Variants in PPM1G observed in about 807,000 individuals in gnomAD.
The protein encoded by PPM1G is protein phosphatase, Mg2+/Mn2+ dependent 1G.
In PPM1G, 12 loss-of-function variants were observed where a neutral mutation model predicts 59.4. The observed-to-expected ratio is 0.20, with a 90% CI of 0.13 to 0.33. PPM1G has a LOEUF of 0.33. Among genes scored for constraint, PPM1G ranks in the 10% least tolerant of loss-of-function variants. The pLI, the probability that PPM1G is intolerant of heterozygous loss-of-function variation, is 1.00. For missense variants in PPM1G, 392 were observed against 681.3 expected, an observed-to-expected ratio of 0.58 and a Z score of 4.73; for synonymous variants, 245 against 251.9, an observed-to-expected ratio of 0.97 and a Z score of 0.26.
chr2:27,404,793 A>T, intron 1 of PPM1G, among the ~76,000 whole-genome samples: 1 of 150,362 alleles, frequency 6.7e-6, no homozygotes. Context: ...AAATACAAAA[A>T]ATTAGCCGGG....
chr2:27,388,703 G>T (rs372384057), intron 1 of PPM1G, among the ~76,000 whole-genome samples: 1 of 151,734 alleles, frequency 6.6e-6, no homozygotes, highest in Non-Finnish European at 1.5e-5. Flanking sequence ...GTGAAACCCC[G>T]TCTCTACTAA....
At chr2:27,404,049 A>AT (rs983779871) in intron 1 of PPM1G, among the ~76,000 whole-genome samples, 4 of 152,080 alleles carry the variant, frequency 2.6e-5, no homozygotes, top group Non-Finnish European at 5.9e-5. Flanking sequence ...TTCTTTTTAT[A>AT]TTTTTTCCAT....
intron 1 of PPM1G, among the ~76,000 whole-genome samples, chr2:27,396,351 T>C (rs1374128816): frequency 1.3e-5 from 2 of 152,076 alleles, no homozygotes; most frequent in African/African-American, 4.8e-5. Flanking sequence ...GTATCTAAAC[T>C]AATCAAATTC....
chr2:27,388,801 G>A (rs552946411), intron 1 of PPM1G, among the ~76,000 whole-genome samples: 1 of 151,302 alleles, frequency 6.6e-6, no homozygotes, highest in Admixed American at 6.6e-5. Flanking sequence ...CGTGAACCCA[G>A]GAGGCAGAGC....
At chr2:27,396,820 A>C (rs976677614) in intron 1 of PPM1G, among the ~76,000 whole-genome samples, 6 of 41,048 alleles carry the variant, frequency 1.5e-4, no homozygotes, top group Admixed American at 2.6e-4. Flanking sequence ...CGTCTCCAAC[A>C]AAAAAAAAAA....
At position 27,381,423 on chromosome 2, in the gene PPM1G, A is replaced by G. The variant is rs2148416414; in HGVS notation, c.*176T>C. ...CAGAGGCGGCTGGGAAGGACAGCAGAGGCTCCCGGCTGCAGTGTGGAGGGA... is the reference window on the plus strand; with the variant it reads ...CAGAGGCGGCTGGGAAGGACAGCAGGGGCTCCCGGCTGCAGTGTGGAGGGA... On this transcript the variant is annotated 3_prime_UTR_variant, in exon 10 of 10. Transcript: ENST00000344034. 1.5e-6 allele frequency: 1 copy of G among 662,426 alleles called. No individual in the cohort carries two copies. Among genetic ancestry groups the G allele is most frequent in the South Asian group, 1.9e-5 (1 of 53,284 alleles). 41.0% of individuals were successfully genotyped at this position (662,426 alleles called of 1,614,324 possible). A position where few individuals can be genotyped will look rare whatever the true frequency, so the allele number is the denominator to read the frequency against.
intron 1 of PPM1G, among the ~76,000 whole-genome samples, chr2:27,403,625 G>A (rs1303797375): frequency 1.3e-5 from 2 of 151,962 alleles, no homozygotes; most frequent in Non-Finnish European, 2.9e-5. Context: ...AGTAGCTCAC[G>A]TCTGTAATCC....
At chr2:27,406,020 AAAAC>A (rs1380782082) in intron 1 of PPM1G, among the ~76,000 whole-genome samples, 1 of 152,118 alleles carries the variant, frequency 6.6e-6, no homozygotes, top group Admixed American at 6.5e-5. Context: ...AAAACAAAAC[AAAAC>A]AAACAACAAC....
Position 27,382,419 on chromosome 2 carries a change from C to T in PPM1G, c.1331+57G>A. On this transcript the variant is annotated intron_variant, in intron 8 of 9. Coordinates refer to ENST00000344034, the MANE Select transcript of PPM1G (RefSeq NM_177983.3). This position sits in a 1 kb window ranked among gnomAD's most constrained non-coding sequence, Gnocchi z 4.2. ...TCTAATCCTAGAGGTGCCCTGAGTCCTATAAGAGAAGACATGCTGCAGAAA... is the reference window on the plus strand; with the variant it reads ...TCTAATCCTAGAGGTGCCCTGAGTCTTATAAGAGAAGACATGCTGCAGAAA... 1 of 1,609,216 alleles carries T rather than the reference C, an allele frequency of 6.2e-7. No individual in the cohort carries two copies. Among genetic ancestry groups the T allele is most frequent in the Non-Finnish European group, 8.5e-7 (1 of 1,177,776 alleles).
chr2:27,383,860 AT>A lies in PPM1G; in HGVS notation c.966+91del. 1 of 1,507,740 alleles carries A rather than the reference AT, an allele frequency of 6.6e-7. No individual in the cohort carries two copies. The highest frequency in any genetic ancestry group is 9.0e-7 in the Non-Finnish European group (1 of 1,116,744). The allele number at this position is 1,507,740 out of a possible 1,614,324, so 93.4% of individuals were successfully genotyped here. A position where few individuals can be genotyped will look rare whatever the true frequency, so the allele number is the denominator to read the frequency against. ...ATGACTATTACTTCCATCCTAAAGT[AT>A]CAGGGGGATCCCCTGTCTCAAAATC... On this transcript the variant is annotated intron_variant, in intron 6 of 9. Coordinates refer to ENST00000344034, the MANE Select transcript of PPM1G (RefSeq NM_177983.3). This position sits in a 1 kb window ranked among gnomAD's most constrained non-coding sequence, Gnocchi z 5.0.
Position 27,409,482 on chromosome 2 carries a change from C to G in PPM1G, c.-60G>C. 7.1e-7 allele frequency: 1 copy of G among 1,412,966 alleles called. No individual in the cohort carries two copies. The highest frequency in any genetic ancestry group is 9.2e-7 in the Non-Finnish European group (1 of 1,087,512). 87.5% of individuals were successfully genotyped at this position (1,412,966 alleles called of 1,614,324 possible). ...AGCTGGGCGCGACCCGTGCCGGAGC[C>G]GAAGCCCCGGGGGTGCGCGCGGCAG... is the stretch of plus-strand genomic sequence containing the variant. On this transcript the variant is annotated 5_prime_UTR_variant, in exon 1 of 10. Coordinates refer to ENST00000344034, the MANE Select transcript of PPM1G (RefSeq NM_177983.3).
At chr2:27,398,563 T>A (rs1684104250) in intron 1 of PPM1G, among the ~76,000 whole-genome samples, 1 of 152,034 alleles carries the variant, frequency 6.6e-6, no homozygotes, top group African/African-American at 2.4e-5. Context: ...GTGGCTCACG[T>A]CTGTAATCCT....
Position 27,381,732 on chromosome 2 carries a change from A to G in PPM1G, c.1508T>C (p.Ile503Thr). 1 of 1,613,884 alleles carries G rather than the reference A, an allele frequency of 6.2e-7. No individual in the cohort carries two copies. The highest frequency in any genetic ancestry group is 8.5e-7 in the Non-Finnish European group (1 of 1,180,020). The stretch of plus-strand genomic sequence containing the variant: ...TGCTGTGTTTCGGGGCTTGAAGCAA[A>G]TGATGATGCAGGTCATGTTGTCACA... The part of the protein sequence containing the change: ...TGCDNMTCII[I>T]CFKPRNTAEL... Residue 503 changes from isoleucine (I) to threonine (T), a missense_variant, in exon 10 of 10, where the codon ATT (isoleucine) becomes ACT (threonine). Physicochemically the swap from Ile to Thr is moderately conservative, Grantham distance 89. Transcript: ENST00000344034.
chr2:27,387,169 A>G lies in PPM1G; in HGVS notation c.121-11T>C. 6.2e-7 allele frequency: 1 copy of G among 1,606,838 alleles called. No homozygotes were observed. The highest frequency in any genetic ancestry group is 1.3e-5 in the African/African-American group (1 of 74,902). On this transcript the variant is annotated splice_polypyrimidine_tract_variant and intron_variant, in intron 1 of 9. Coordinates refer to ENST00000344034, the MANE Select transcript of PPM1G (RefSeq NM_177983.3). ...ACAGTTGTGAGCATCCTAGGAAAAG[A>G]AGAGCATAATCGGCATGTCTCAAGG...
intron 1 of PPM1G, among the ~76,000 whole-genome samples, chr2:27,389,771 C>G (rs1213589254): frequency 6.6e-6 from 1 of 152,120 alleles, no homozygotes; most frequent in Non-Finnish European, 1.5e-5. Flanking sequence ...GGAGACCAGC[C>G]TAGGCAACAT....
At chr2:27,392,812 G>A in intron 1 of PPM1G, 1 of 1,493,636 alleles carries the variant, frequency 6.7e-7, no homozygotes, top group Non-Finnish European at 9.2e-7. Context: ...GTCTCCCAGG[G>A]TGTGCTTGTC....
At chr2:27,387,209 T>G in intron 1 of PPM1G, 51 bp from the exon 2 acceptor site, 1 of 1,491,586 alleles carries the variant, frequency 6.7e-7, no homozygotes, top group South Asian at 1.1e-5. Flanking sequence ...AGAATATTCC[T>G]CAGGTCATAG....
rs1361887038 is a variant in PPM1G, at chr2:27,381,257, G to A, written c.*342C>T. 1 of 390,270 alleles carries A rather than the reference G, an allele frequency of 2.6e-6. No homozygotes were observed. The highest frequency in any genetic ancestry group is 5.2e-5 in the East Asian group (1 of 19,060). The allele number at this position is 390,270 out of a possible 1,614,324, so 24.2% of individuals were successfully genotyped here. A position where few individuals can be genotyped will look rare whatever the true frequency, so the allele number is the denominator to read the frequency against. ...ATTGAAAGTGTACAACAGAGAGCGG[G>A]TGCAAGCGGCCGAGGGCCATGGAGC... On this transcript the variant is annotated 3_prime_UTR_variant, in exon 10 of 10. Transcript: ENST00000344034.
In PPM1G at chr2:27,382,609, G is replaced by C; in HGVS notation, c.1202-4C>G. 6.2e-7 allele frequency: 1 copy of C among 1,614,130 alleles called. No individual in the cohort carries two copies. Among genetic ancestry groups the C allele is most frequent in the Non-Finnish European group, 8.5e-7 (1 of 1,180,002 alleles). On this transcript the variant is annotated splice_polypyrimidine_tract_variant and splice_region_variant and intron_variant, in intron 7 of 9. Transcript: ENST00000344034. The surrounding 1 kb of genome is among the most constrained non-coding windows in gnomAD (Gnocchi z 4.2). ...TTTCTCTTATAGAAGTGGTCCCCTG[G>C]AGTAAAGGAATGGTTGATGAGCAGT... is the stretch of plus-strand genomic sequence containing the variant.
Sources: allele counts gnomAD v4.1 joint callset (sites outside exome capture counted in the v4.1 genomes callset), GRCh38; gene constraint gnomAD v4.1.1; non-coding constraint Gnocchi (gnomAD v3.1); transcripts MANE v1.5; gene names NCBI Gene and HGNC (gene_info 2026-07-23, HGNC 2026-07-21).